The following ASXL1 variants were observed in gnomAD, a reference collection of about 807,000 sequenced individuals.
The protein encoded by ASXL1 is ASXL transcriptional regulator 1, also known as polycomb group protein ASXL1.
Under a neutral mutation model 89.1 loss-of-function variants are expected in ASXL1, and 65 were observed. The observed-to-expected ratio is 0.73, with a 90% CI of 0.60 to 0.90. ASXL1 has a LOEUF of 0.90. Ranked by LOEUF, ASXL1 falls within the 40% of genes least tolerant of loss-of-function variation. The probability of loss-of-function intolerance (pLI) is 0.00; values close to 1 mark genes in which losing one functional copy is unlikely to be tolerated. For synonymous variants in ASXL1, 739 were observed against 746.9 expected, an observed-to-expected ratio of 0.99 and a Z score of 0.17; for missense variants, 1,786 against 1,942.9, an observed-to-expected ratio of 0.92 and a Z score of 1.52.
intron 6 of ASXL1, chr20:32,428,862 T>C: frequency 3.5e-6 from 1 of 288,556 alleles, no homozygotes; most frequent in Non-Finnish European, 6.7e-6. Flanking sequence ...GGTTTTGCCA[T>C]GTTGGCCAGG....
rs1237126623 is a variant in ASXL1, at chr20:32,369,118, C to G, written c.247C>G (p.Leu83Val). Residue 83 changes from leucine to valine, a missense_variant, in exon 4 of 13, where the codon CTC becomes GTC. Leu to Val is a conservative substitution (Grantham distance 32). This residue lies in a region of ASXL1 where 332 missense variants were observed against 449.7 expected (regional missense o/e 0.74). Coordinates refer to ENST00000375687, the MANE Select transcript of ASXL1 (RefSeq NM_015338.6). ...KLPGRISLFT[L>V]KKDALQWSRH... ...GCCTGGCCGAATCAGCCTTTTCACG[C>G]TCAAGGTAAGTGATATGAACTCTCT... The G allele has an allele frequency of 2.5e-6, 4 of 1,605,816 alleles. No individual in the cohort carries two copies. The highest frequency in any genetic ancestry group is 3.4e-6 in the Non-Finnish European group (4 of 1,172,534).
chr20:32,359,820 C>T, intron 1 of ASXL1: 1 of 717,826 alleles, frequency 1.4e-6, no homozygotes, highest in Non-Finnish European at 2.6e-6. Flanking sequence ...GGATTACTCC[C>T]ACAAAGCTCA....
rs1400790580 is a variant in ASXL1 at position 32,395,875 on chromosome 20, T to G, written c.252+26752T>G. ...GTGCAGTGGCATGATCTTGGCTCGC[T>G]GCAACCTCCGCTTCCCAGGTTCAAG... On this transcript the variant is annotated intron_variant, in intron 4 of 12. Coordinates refer to ENST00000375687, the MANE Select transcript of ASXL1 (RefSeq NM_015338.6). 2.0e-5 allele frequency among the ~76,000 whole-genome samples: 3 copies of G among 152,220 alleles called. No individual in the cohort carries two copies. In the East Asian group the frequency reaches 5.8e-4, roughly 29 times the overall value.
Position 32,369,043 on chromosome 20 carries a change from G to A in ASXL1, c.172G>A (p.Ala58Thr). The part of the protein sequence containing the change: ...SGTSPLACLN[A>T]MLHSNSRGGE... ...GACTTCCCCTCTCGCATGCCTCAATGCTATGCTACATTCCAATTCAAGAGG... is the reference window on the plus strand; with the variant it reads ...GACTTCCCCTCTCGCATGCCTCAATACTATGCTACATTCCAATTCAAGAGG... Residue 58 changes from alanine to threonine, a missense_variant, in exon 4 of 13, where the codon GCT becomes ACT. Ala to Thr is a moderately conservative substitution (Grantham distance 58). This residue lies in a region of ASXL1 where 332 missense variants were observed against 449.7 expected (regional missense o/e 0.74). Transcript: ENST00000375687. 6.2e-7 allele frequency: 1 copy of A among 1,614,046 alleles called. No homozygotes were observed. The highest frequency in any genetic ancestry group is 8.5e-7 in the Non-Finnish European group (1 of 1,179,956).
At chr20:32,391,800 G>A (rs1569272510) in intron 4 of ASXL1, among the ~76,000 whole-genome samples, 1 of 151,910 alleles carries the variant, frequency 6.6e-6, no homozygotes, top group Non-Finnish European at 1.5e-5. Flanking sequence ...AGGTTTTTGT[G>A]TTTTAGTAAA....
chr20:32,363,025 G>A (rs1371422681), intron 1 of ASXL1, among the ~76,000 whole-genome samples: 2 of 151,582 alleles, frequency 1.3e-5, no homozygotes, highest in Non-Finnish European at 2.9e-5. Context: ...CCCCTTTGAA[G>A]TAAGAGAAGA....
chr20:32,432,913 G>T lies in ASXL1; in HGVS notation c.1013G>T (p.Arg338Leu). 6.2e-7 allele frequency: 1 copy of T among 1,613,932 alleles called. No homozygotes were observed. Among genetic ancestry groups the T allele is most frequent in the South Asian group, 1.1e-5 (1 of 91,036 alleles). Residue 338 changes from arginine (R) to leucine (L), a missense_variant, in exon 11 of 13, where the codon CGA (arginine) becomes CTA (leucine). Arg to Leu is a moderately radical substitution (Grantham distance 102). Around this residue, in one of 3 missense-constraint regions of ASXL1, gnomAD observed 332 missense variants for 449.7 expected, o/e 0.74. Coordinates refer to ENST00000375687, the MANE Select transcript of ASXL1 (RefSeq NM_015338.6). ...EFTHEMQVRI[R>L]QEMEKEKKVE... ...ACTCATGAGATGCAAGTCAGGATAC[G>T]ACAGGAAATGGAGAAGGAAAAGAAG...
chr20:32,398,479 C>T (rs1427399863), intron 4 of ASXL1, among the ~76,000 whole-genome samples: 1 of 152,094 alleles, frequency 6.6e-6, no homozygotes, highest in African/African-American at 2.4e-5. Context: ...GTCCTTTTCC[C>T]TTCACTCGCT....
chr20:32,401,561 C>T (rs55935733), intron 4 of ASXL1, among the ~76,000 whole-genome samples: 109,427 of 137,908 alleles, frequency 0.79, 43,964 homozygotes, highest in South Asian at 0.93. Context: ...CCCCCCCCCC[C>T]TTTTTTTTTT....
At chr20:32,386,301 C>T (rs1338665927) in intron 4 of ASXL1, among the ~76,000 whole-genome samples, 1 of 151,792 alleles carries the variant, frequency 6.6e-6, no homozygotes, top group African/African-American at 2.4e-5. Context: ...TTAGTGTCAA[C>T]AAGGAGATGT....
intron 4 of ASXL1, among the ~76,000 whole-genome samples, chr20:32,422,006 C>G (rs548093538): frequency 6.7e-6 from 1 of 149,920 alleles, no homozygotes; most frequent in African/African-American, 2.4e-5. Context: ...GTAGCTGGGA[C>G]TACAGGCGAC....
At chr20:32,433,948 G>A (rs761375928) in intron 12 of ASXL1, 31 bp downstream of exon 12, 21 of 1,610,830 alleles carry the variant, frequency 1.3e-5, no homozygotes, top group Admixed American at 1.7e-5. Flanking sequence ...TGGCTGCCCT[G>A]GAGCCAGGTT....
Position 32,429,579 on chromosome 20 carries a change from TAG to T in ASXL1, c.565+149_565+150del. On this transcript the variant is annotated intron_variant, in intron 7 of 12. Coordinates refer to ENST00000375687, the MANE Select transcript of ASXL1 (RefSeq NM_015338.6). The surrounding 1 kb of genome is among the most constrained non-coding windows in gnomAD (Gnocchi z 4.9). ...CCCTGCCAATGGATGAGGCCTGCCATAGGTTCTAGTGCTGGGCTCTGCTGTGT... is the reference window on the plus strand; with the variant it reads ...CCCTGCCAATGGATGAGGCCTGCCATGTTCTAGTGCTGGGCTCTGCTGTGT... 1 of 866,936 alleles carries T rather than the reference TAG, an allele frequency of 1.2e-6. No homozygotes were observed. The highest frequency in any genetic ancestry group is 1.9e-6 in the Non-Finnish European group (1 of 529,934). 53.7% of individuals were successfully genotyped at this position (866,936 alleles called of 1,614,324 possible).
chr20:32,416,877 C>T (rs1429221162), intron 4 of ASXL1, among the ~76,000 whole-genome samples: 3 of 152,160 alleles, frequency 2.0e-5, no homozygotes, highest in South Asian at 2.1e-4. Context: ...TGCTTTGTTA[C>T]GATCATGACA....
In ASXL1 at chr20:32,429,439, TA is replaced by T. The variant is rs2011450066; in HGVS notation, c.565+11del. ...ACGTGGAATCTGCATCAGGTATGTGTAAACTCATGGTTGTGATGCTTTTTCC... is the reference window on the plus strand; with the variant it reads ...ACGTGGAATCTGCATCAGGTATGTGTAACTCATGGTTGTGATGCTTTTTCC... On this transcript the variant is annotated intron_variant, in intron 7 of 12. Transcript: ENST00000375687. The surrounding 1 kb of genome is among the most constrained non-coding windows in gnomAD (Gnocchi z 4.9). 1 of 1,612,538 alleles carries T rather than the reference TA, an allele frequency of 6.2e-7. No homozygotes were observed. Among genetic ancestry groups the T allele is most frequent in the African/African-American group, 1.3e-5 (1 of 74,892 alleles).
intron 4 of ASXL1, among the ~76,000 whole-genome samples, chr20:32,390,564 C>G (rs982231682): frequency 1.3e-5 from 2 of 151,864 alleles, no homozygotes; most frequent in Non-Finnish European, 2.9e-5. Context: ...CCTCAAACTC[C>G]TGGCCTTAAG....
chr20:32,371,699 G>T, intron 4 of ASXL1: 1 of 413,310 alleles, frequency 2.4e-6, no homozygotes, highest in Non-Finnish European at 4.9e-6. Flanking sequence ...TTGAACTCCT[G>T]GGCTCAAGCA....
At chr20:32,413,248 A>G (rs559731613) in intron 4 of ASXL1, among the ~76,000 whole-genome samples, 1 of 152,380 alleles carries the variant, frequency 6.6e-6, no homozygotes, top group Non-Finnish European at 1.5e-5. Context: ...AAAAAGAAAC[A>G]CAAGAAGAAT....
chr20:32,412,496 A>G (rs2049065429), intron 4 of ASXL1, among the ~76,000 whole-genome samples: 1 of 152,088 alleles, frequency 6.6e-6, no homozygotes, highest in South Asian at 2.1e-4. Context: ...CACTTTAAGT[A>G]TATGTCAGTA....
Sources: allele counts gnomAD v4.1 joint callset (sites outside exome capture counted in the v4.1 genomes callset), GRCh38; gene constraint gnomAD v4.1.1; regional missense constraint gnomAD v4.1.1; non-coding constraint Gnocchi (gnomAD v3.1); transcripts MANE v1.5; gene names NCBI Gene and HGNC (gene_info 2026-07-23, HGNC 2026-07-21).